Variants in TRHDE observed in about 807,000 individuals in gnomAD.
TRHDE encodes thyrotropin-releasing hormone-degrading ectoenzyme.
TRHDE carries 72 observed loss-of-function variants against 125.7 expected under a neutral mutation model. The ratio of observed to expected loss-of-function variants is 0.57; its 90% CI spans 0.47 to 0.70. The LOEUF is 0.70. Ranked by LOEUF, TRHDE falls within the 30% of genes least tolerant of loss-of-function variation. TRHDE has a pLI of 0.00. For missense variants in TRHDE, 1,110 were observed against 1,327.1 expected (o/e 0.84, Z 2.54); for synonymous variants, 509 against 509.1 (o/e 1.00, Z 0.00).
At position 72,489,764 on chromosome 12, in the gene TRHDE, A is replaced by G. The variant is rs551682623; in HGVS notation, c.1585-9734A>G. Among the ~76,000 whole-genome samples the G allele has an allele frequency of 5.9e-5, 9 of 151,932 alleles. 1 individual carries two copies. In the South Asian group the frequency reaches 1.9e-3, roughly 32 times the overall value. Reference sequence around the variant, plus strand: ...GAGAAAAAGATTGTGTCTTTAATACATGGTGCTGAGAAAGCTAGATTTCCA... The same window carrying G: ...GAGAAAAAGATTGTGTCTTTAATACGTGGTGCTGAGAAAGCTAGATTTCCA... On this transcript the variant is annotated intron_variant, in intron 5 of 18. Coordinates refer to ENST00000261180, the MANE Select transcript of TRHDE (RefSeq NM_013381.3).
chr12:72,185,510 G>T, intron 2 of TRHDE, among the ~76,000 whole-genome samples: 1 of 152,260 alleles, frequency 6.6e-6, no homozygotes, highest in Non-Finnish European at 1.5e-5. Context: ...CTGGGCTCCT[G>T]AGTCTGGTGG....
intron 7 of TRHDE, among the ~76,000 whole-genome samples, chr12:72,545,347 G>A (rs11179242): frequency 0.068 from 10,302 of 151,360 alleles, 422 homozygotes; most frequent in Middle Eastern, 0.11. Context: ...AGTTAATAGC[G>A]GTTTTCTGCA....
chr12:72,478,437 G>A (rs1876998022), intron 5 of TRHDE, among the ~76,000 whole-genome samples: 1 of 152,114 alleles, frequency 6.6e-6, no homozygotes, highest in East Asian at 1.9e-4. Context: ...CAGAAGTTGA[G>A]AAAATCATTG....
intron 5 of TRHDE, among the ~76,000 whole-genome samples, chr12:72,477,969 A>G (rs1876978271): frequency 6.6e-6 from 1 of 152,188 alleles, no homozygotes; most frequent in Admixed American, 6.5e-5. Flanking sequence ...GAAATTGGGA[A>G]GGTAAAGAGC....
intron 2 of TRHDE, among the ~76,000 whole-genome samples, chr12:72,337,147 C>A (rs945753528): frequency 4.6e-5 from 7 of 152,162 alleles, no homozygotes; most frequent in African/African-American, 1.7e-4. Context: ...ATACACGAAG[C>A]CCACTTCGCT....
intron 15 of TRHDE, among the ~76,000 whole-genome samples, chr12:72,623,293 T>C (rs1169669890): frequency 1.3e-5 from 2 of 152,020 alleles, no homozygotes; most frequent in African/African-American, 4.8e-5. Context: ...TATCTTGCTA[T>C]CAACATGTGC....
At chr12:72,134,545 A>G (rs1347820130) in intron 2 of TRHDE, among the ~76,000 whole-genome samples, 2 of 151,980 alleles carry the variant, frequency 1.3e-5, no homozygotes, top group Non-Finnish European at 2.9e-5. Context: ...CCATCAATAT[A>G]TATTTTTGCA....
At chr12:72,209,308 C>G (rs111467591) in intron 2 of TRHDE, among the ~76,000 whole-genome samples, 2,239 of 152,322 alleles carry the variant, frequency 0.015, 19 homozygotes, top group Non-Finnish European at 0.024. Flanking sequence ...TATGCACTCC[C>G]GTCCAGATGG....
intron 2 of TRHDE, among the ~76,000 whole-genome samples, chr12:72,113,988 T>A (rs1055682286): frequency 6.6e-6 from 1 of 151,994 alleles, no homozygotes; most frequent in Non-Finnish European, 1.5e-5. Context: ...TACCTTAGAT[T>A]TTTTTTTCTT....
intron 2 of TRHDE, among the ~76,000 whole-genome samples, chr12:72,224,377 G>A (rs1246253322): frequency 4.6e-5 from 7 of 152,076 alleles, no homozygotes; most frequent in East Asian, 1.9e-4. Context: ...GTGGTGCTCC[G>A]GAATAATGGT....
intron 5 of TRHDE, 78 bp downstream of exon 5, chr12:72,473,258 G>A: frequency 9.1e-7 from 1 of 1,099,998 alleles, no homozygotes; most frequent in Non-Finnish European, 1.3e-6. Flanking sequence ...CATCCTTAGA[G>A]ATGACTAAAA....
chr12:72,446,106 T>C (rs1875265618), intron 3 of TRHDE, among the ~76,000 whole-genome samples: 1 of 151,478 alleles, frequency 6.6e-6, no homozygotes, highest in African/African-American at 2.4e-5. Flanking sequence ...CCTGTCAAAA[T>C]CCAAATATCG....
chr12:72,535,617 A>G (rs1246296109), intron 6 of TRHDE, among the ~76,000 whole-genome samples: 2 of 151,960 alleles, frequency 1.3e-5, no homozygotes, highest in African/African-American at 4.8e-5. Context: ...CTTGTGAGTA[A>G]GGGATATTCA....
chr12:72,156,639 C>T (rs1280367448), intron 2 of TRHDE, among the ~76,000 whole-genome samples: 2 of 152,048 alleles, frequency 1.3e-5, no homozygotes, highest in African/African-American at 4.8e-5. Flanking sequence ...TTTGTGCCTC[C>T]TAGGCTGTGA....
chr12:72,558,593 G>T (rs1870030563), intron 7 of TRHDE, among the ~76,000 whole-genome samples: 1 of 152,154 alleles, frequency 6.6e-6, no homozygotes, highest in Non-Finnish European at 1.5e-5. Flanking sequence ...AAATATTCTG[G>T]CTTTGTGGGA....
chr12:72,473,223 AT>A (rs778567989), intron 5 of TRHDE, 43 bp downstream of exon 5: 1 of 1,468,574 alleles, frequency 6.8e-7, no homozygotes, highest in South Asian at 1.1e-5. Context: ...TAAAAGGCCG[AT>A]CTAGTGTTAC....
At chr12:72,393,098 G>A (rs547997092) in intron 3 of TRHDE, among the ~76,000 whole-genome samples, 19 of 151,936 alleles carry the variant, frequency 1.3e-4, no homozygotes, top group African/African-American at 3.6e-4. Context: ...ACATATTTAC[G>A]CAAAGACTCA....
At chr12:72,553,053 TTTTTGAG>T (rs1384866459) in intron 7 of TRHDE, among the ~76,000 whole-genome samples, 1 of 152,130 alleles carries the variant, frequency 6.6e-6, no homozygotes, top group African/African-American at 2.4e-5. Context: ...TTTTCAGTGT[TTTTTGAG>T]AGAAGGTCAG....
chr12:72,449,846 A>G (rs756938978), intron 3 of TRHDE, among the ~76,000 whole-genome samples: 6 of 151,986 alleles, frequency 3.9e-5, no homozygotes, highest in African/African-American at 9.7e-5. Flanking sequence ...GTTCTATTCT[A>G]TAATATAAAA....
Sources: allele counts gnomAD v4.1 joint callset (sites outside exome capture counted in the v4.1 genomes callset), GRCh38; gene constraint gnomAD v4.1.1; transcripts MANE v1.5; gene names NCBI Gene and HGNC (gene_info 2026-07-23, HGNC 2026-07-21).